MOCS1: variants seen among roughly 807,000 people sequenced by gnomAD.
The protein encoded by MOCS1 is molybdenum cofactor biosynthesis protein 1.
Under a neutral mutation model 57.6 loss-of-function variants are expected in MOCS1, and 39 were observed. The ratio of observed to expected loss-of-function variants is 0.68; its 90% CI spans 0.52 to 0.88. The LOEUF (loss-of-function observed/expected upper bound fraction) is 0.88, where lower values mean the gene tolerates loss of function less well. Ranked by LOEUF, MOCS1 falls within the 40% of genes least tolerant of loss-of-function variation. The probability of loss-of-function intolerance (pLI) is 0.00; values close to 1 mark genes in which losing one functional copy is unlikely to be tolerated. For missense variants in MOCS1, 795 were observed against 831.1 expected (o/e 0.96, Z 0.53); for synonymous variants, 334 against 335.7 (o/e 1.00, Z 0.05).
intron 7 of MOCS1, 33 bp downstream of exon 7, chr6:39,912,859 C>T (rs1435620123): frequency 1.3e-6 from 2 of 1,567,122 alleles, no homozygotes; most frequent in Non-Finnish European, 1.8e-6. Flanking sequence ...CGACCTTCCT[C>T]CAGGCCTGCC....
chr6:39,924,490 G>A (rs1241273233), intron 3 of MOCS1, among the ~76,000 whole-genome samples: 1 of 152,242 alleles, frequency 6.6e-6, no homozygotes, highest in Non-Finnish European at 1.5e-5. Context: ...GTGCCAGGAT[G>A]AGATAAATGC....
In MOCS1 at chr6:39,906,852, G is replaced by A. The variant is rs1766986389; in HGVS notation, c.1416C>T (p.Pro472=). The A allele has an allele frequency of 6.2e-7, 1 of 1,614,212 alleles. No homozygotes were observed. The highest frequency in any genetic ancestry group is 1.7e-5 in the Admixed American group (1 of 60,026). Residue 472 remains proline (P), a synonymous_variant, in exon 11 of 11, where the codon CCC becomes CCT. Transcript: ENST00000340692. ...GTTCTGAGGTTAGCTGGGGTCCTGA[G>A]GGGGCAGCAGAAGCCCAGGAACCTG... ...LSPGSWASAA[P]SGPQLTSEQL...
Position 39,905,184 on chromosome 6 carries a change from TG to T in MOCS1, c.*1172del. 2.2e-6 allele frequency: 1 copy of T among 454,292 alleles called. No homozygotes were observed. Among genetic ancestry groups the T allele is most frequent in the East Asian group, 6.9e-5 (1 of 14,396 alleles). The allele number at this position is 454,292 out of a possible 1,614,324, so 28.1% of individuals were successfully genotyped here. On this transcript the variant is annotated 3_prime_UTR_variant, in exon 11 of 11. Coordinates refer to ENST00000340692, the MANE Select transcript of MOCS1 (RefSeq NM_001358530.2). ...GAGAGCCCAGCAGGCCAGAACTGTG[TG>T]TGTTTGGGATGTGAGAACCAGGAGC... is the stretch of plus-strand genomic sequence containing the variant.
chr6:39,912,849 C>T (rs376370361), intron 7 of MOCS1, 43 bp downstream of exon 7: 14 of 1,482,514 alleles, frequency 9.4e-6, no homozygotes, highest in East Asian at 4.5e-5. Context: ...GGTGGAGGTA[C>T]GACCTTCCTC....
chr6:39,912,783 T>TC, intron 7 of MOCS1, 109 bp downstream of exon 7: 1 of 866,626 alleles, frequency 1.2e-6, no homozygotes, highest in Non-Finnish European at 2.0e-6. Context: ...AATGGTACCA[T>TC]CCCACATCAC....
chr6:39,921,234 C>T (rs561654056), intron 3 of MOCS1, among the ~76,000 whole-genome samples: 37 of 151,540 alleles, frequency 2.4e-4, no homozygotes, highest in South Asian at 1.5e-3. Flanking sequence ...CCCGCCTCTA[C>T]TAAAAATATA....
chr6:39,926,378 T>C (rs1424385442), intron 2 of MOCS1, among the ~76,000 whole-genome samples: 2 of 151,996 alleles, frequency 1.3e-5, no homozygotes, highest in African/African-American at 2.4e-5. Context: ...ATTTTATATG[T>C]TGGAAAACTG....
rs1398237307 is a variant in MOCS1 at position 39,905,597 on chromosome 6, G to GAT, written c.*758_*759dup. 4.2e-6 allele frequency: 2 copies of GAT among 471,190 alleles called. No individual in the cohort carries two copies. The highest frequency in any genetic ancestry group is 8.8e-6 in the Non-Finnish European group (2 of 227,062). 29.2% of individuals were successfully genotyped at this position (471,190 alleles called of 1,614,324 possible). A position where few individuals can be genotyped will look rare whatever the true frequency, so the allele number is the denominator to read the frequency against. On this transcript the variant is annotated 3_prime_UTR_variant, in exon 11 of 11. Coordinates refer to ENST00000340692, the MANE Select transcript of MOCS1 (RefSeq NM_001358530.2). The stretch of plus-strand genomic sequence containing the variant: ...ATCTATCATCAACTTTTCTTTCCCT[G>GAT]ATATGCTCCAGAATAAAGAGGGGTG...
chr6:39,910,298 A>T (rs1430979246), intron 8 of MOCS1, among the ~76,000 whole-genome samples: 1 of 152,222 alleles, frequency 6.6e-6, no homozygotes, highest in Non-Finnish European at 1.5e-5. Context: ...CTTTATCACC[A>T]TGAGAATGGC....
chr6:39,917,396 C>T (rs1445297267), intron 3 of MOCS1, among the ~76,000 whole-genome samples: 1 of 152,150 alleles, frequency 6.6e-6, no homozygotes, highest in Non-Finnish European at 1.5e-5. Context: ...CTGGGTCCCT[C>T]CCATGACACG....
Position 39,909,921 on chromosome 6 carries a change from C to T in MOCS1, c.1016G>A (p.Arg339Gln), listed in dbSNP as rs142478972. The change falls in exon 9 of 11, where the codon CGG (arginine) becomes CAG (glutamine). Residue 339 changes from arginine (R) to glutamine (Q), a missense_variant. This residue lies in a region of MOCS1 where 374 missense variants were observed against 422.6 expected (regional missense o/e 0.89). Coordinates refer to ENST00000340692, the MANE Select transcript of MOCS1 (RefSeq NM_001358530.2). ...AGAGGCCCCAGCTCGCAGGTGATCC[C>T]GCAGGGATACCTCAGAGTTTCCAAA... ...CLFGNSEVSL[R>Q]DHLRAGASEQ... 99 of 1,613,802 alleles carry T rather than the reference C, an allele frequency of 6.1e-5. No homozygotes were observed. The African/African-American group carries it at 6.5e-4, about 11-fold the overall frequency.
At chr6:39,928,235 GCT>G (rs1206766826) in intron 1 of MOCS1, among the ~76,000 whole-genome samples, 2 of 151,170 alleles carry the variant, frequency 1.3e-5, no homozygotes, top group Admixed American at 6.6e-5. Context: ...CGCGATCTTG[GCT>G]CACTGCAAAC....
At chr6:39,907,680 G>A (rs1028802626) in intron 10 of MOCS1, among the ~76,000 whole-genome samples, 10 of 152,174 alleles carry the variant, frequency 6.6e-5, no homozygotes, top group Non-Finnish European at 5.9e-5. Context: ...TTCAGATGGT[G>A]CAGAGGGCCT....
In MOCS1 at chr6:39,934,421, G is replaced by T; in HGVS notation, c.-4C>A. On this transcript the variant is annotated 5_prime_UTR_variant, in exon 1 of 11. Coordinates refer to ENST00000340692, the MANE Select transcript of MOCS1 (RefSeq NM_001358530.2). Reference sequence around the variant, plus strand: ...GGGACAGTGGCCGCGCCGCCATGAAGCCTGATACGAGCGGAACCGCAGCCC... The same window carrying T: ...GGGACAGTGGCCGCGCCGCCATGAATCCTGATACGAGCGGAACCGCAGCCC... 1.9e-6 allele frequency: 3 copies of T among 1,567,824 alleles called. No individual in the cohort carries two copies. Among genetic ancestry groups the T allele is most frequent in the Non-Finnish European group, 8.6e-7 (1 of 1,162,708 alleles).
At chr6:39,931,044 C>T (rs1435354468) in intron 1 of MOCS1, among the ~76,000 whole-genome samples, 1 of 152,220 alleles carries the variant, frequency 6.6e-6, no homozygotes, top group East Asian at 1.9e-4. Context: ...TCCAACCCTA[C>T]TAACAGCAGA....
chr6:39,931,913 C>T (rs1026089403), intron 1 of MOCS1, among the ~76,000 whole-genome samples: 1 of 152,192 alleles, frequency 6.6e-6, no homozygotes, highest in South Asian at 2.1e-4. Context: ...CTGAACCCTA[C>T]AAAGATTGTC....
rs1272271616 is a variant in MOCS1 at position 39,905,654 on chromosome 6, G to A, written c.*703C>T. The A allele has an allele frequency of 1.7e-5, 8 of 471,216 alleles. No individual in the cohort carries two copies. Among genetic ancestry groups the A allele is most frequent in the Admixed American group, 2.3e-5 (1 of 42,580 alleles). The allele number at this position is 471,216 out of a possible 1,614,324, so 29.2% of individuals were successfully genotyped here. ...ACAGCCGTGAACAGGGCCAGGTGTG[G>A]GCTGTGTGGTCTGGCAGGAGTCCTT... On this transcript the variant is annotated 3_prime_UTR_variant, in exon 11 of 11. Transcript: ENST00000340692.
In MOCS1 at chr6:39,904,925, G is replaced by A. The variant is rs1766750095; in HGVS notation, c.*1432C>T. ...TGAGGGGATCTGGGGTGGGCTGAGA[G>A]TGTGCTGGAGCCAGCTTGTACCAGC... On this transcript the variant is annotated 3_prime_UTR_variant, in exon 11 of 11. Transcript: ENST00000340692. 1 of 454,024 alleles carries A rather than the reference G, an allele frequency of 2.2e-6. No individual in the cohort carries two copies. The highest frequency in any genetic ancestry group is 2.3e-5 in the Admixed American group (1 of 42,568). 28.1% of individuals were successfully genotyped at this position (454,024 alleles called of 1,614,324 possible). A position where few individuals can be genotyped will look rare whatever the true frequency, so the allele number is the denominator to read the frequency against.
rs575925610 is a variant in MOCS1, at chr6:39,934,091, G to A, written c.123+204C>T. Among the ~76,000 whole-genome samples, 118 of 152,226 alleles carry A rather than the reference G, an allele frequency of 7.8e-4. 1 individual carries two copies. Among genetic ancestry groups the A allele is most frequent in the African/African-American group, 2.6e-3 (107 of 41,554 alleles). ...GGCTGGGGGGCAGGGAGGTTCTGAA[G>A]CGGGACTCCCAGGAACCTCTCCCGC... On this transcript the variant is annotated intron_variant, in intron 1 of 10. Coordinates refer to ENST00000340692, the MANE Select transcript of MOCS1 (RefSeq NM_001358530.2).
Sources: gnomAD v4.1 joint callset for allele counts (sites outside exome capture counted in the v4.1 genomes callset) on GRCh38, gnomAD v4.1.1 for gene constraint, gnomAD v4.1.1 regional missense constraint, MANE v1.5 for transcripts, NCBI Gene and HGNC (gene_info 2026-07-23, HGNC 2026-07-21) for gene names.